Variants in UST observed in about 807,000 individuals in gnomAD.
UST encodes the protein chondroitin sulfate 2-O-sulfotransferase.
UST carries 21 observed loss-of-function variants against 45.6 expected under a neutral mutation model. That is an observed-to-expected ratio of 0.46 (90% confidence interval 0.33 to 0.66). The LOEUF (loss-of-function observed/expected upper bound fraction) is 0.66. Among genes scored for constraint, UST ranks in the 30% least tolerant of loss-of-function variants. UST has a pLI of 0.02. For missense variants in UST, 463 were observed against 512.4 expected, an observed-to-expected ratio of 0.90 and a Z score of 0.93; for synonymous variants, 215 against 200.6, an observed-to-expected ratio of 1.07 and a Z score of -0.61.
chr6:148,801,945 T>C (rs1254749191), intron 1 of UST, among the ~76,000 whole-genome samples: 2 of 152,214 alleles, frequency 1.3e-5, no homozygotes, highest in Non-Finnish European at 1.5e-5. Flanking sequence ...TTTCTCTGGC[T>C]TTGCATGAGT....
chr6:149,010,913 A>AAAAAAACAAAAAAAC lies in UST; in HGVS notation c.682-8219_682-8218insAAAAAAACAAAAAAC, dbSNP rs1554234080. Among the ~76,000 whole-genome samples, 40 of 92,998 alleles carry AAAAAAACAAAAAAAC rather than the reference A, an allele frequency of 4.3e-4. 3 individuals carry two copies. The highest frequency in any genetic ancestry group is 1.6e-3 in the African/African-American group (37 of 22,938). The allele number at this position is 92,998 out of a possible 152,430, so 61.0% of individuals were successfully genotyped here. ...TCTCAACCAAAAAAAAAAAAAAAAAAAAAAAACTGTGACTATTTATTTGTC... is the reference window on the plus strand; with the variant it reads ...TCTCAACCAAAAAAAAAAAAAAAAAAAAAAAACAAAAAAACAAAAAACTGTGACTATTTATTTGTC... On this transcript the variant is annotated intron_variant, in intron 5 of 7. Coordinates refer to ENST00000367463, the MANE Select transcript of UST (RefSeq NM_005715.3).
At chr6:148,893,316 T>C (rs1582881759) in intron 2 of UST, among the ~76,000 whole-genome samples, 1 of 152,346 alleles carries the variant, frequency 6.6e-6, no homozygotes, top group South Asian at 2.1e-4. Flanking sequence ...AATATTTGTA[T>C]AGTGCTTTGC....
At chr6:148,903,391 A>C (rs1779296198) in intron 2 of UST, among the ~76,000 whole-genome samples, 1 of 152,214 alleles carries the variant, frequency 6.6e-6, no homozygotes, top group Middle Eastern at 3.2e-3. Flanking sequence ...AATAATATTA[A>C]AAATGTTCTG....
At chr6:148,886,962 T>A (rs1277316232) in intron 1 of UST, 24 bp from the exon 2 acceptor site, 2 of 1,605,244 alleles carry the variant, frequency 1.2e-6, no homozygotes, top group Non-Finnish European at 1.7e-6. Flanking sequence ...AACGGATTCA[T>A]CAACTTTTTC....
At chr6:148,975,595 T>C (rs747854029) in intron 5 of UST, among the ~76,000 whole-genome samples, 6 of 152,092 alleles carry the variant, frequency 3.9e-5, no homozygotes, top group Non-Finnish European at 8.8e-5. Flanking sequence ...ATCATCATTA[T>C]AATAATAATA....
At chr6:149,042,312 G>A (rs1326406900) in intron 7 of UST, among the ~76,000 whole-genome samples, 3 of 152,154 alleles carry the variant, frequency 2.0e-5, no homozygotes, top group Admixed American at 2.0e-4. Flanking sequence ...TAAATTTGGT[G>A]CACTAAAAAT....
intron 7 of UST, among the ~76,000 whole-genome samples, chr6:149,063,684 C>T (rs1028481549): frequency 1.3e-5 from 2 of 152,196 alleles, no homozygotes; most frequent in South Asian, 4.1e-4. Flanking sequence ...CACAGCCAAG[C>T]CTTCCTTGAA....
rs1780740303 is a variant in UST at position 148,964,524 on chromosome 6, G to C, written c.642G>C (p.Met214Ile). The C allele has an allele frequency of 6.2e-7, 1 of 1,613,964 alleles. No homozygotes were observed. Among genetic ancestry groups the C allele is most frequent in the Non-Finnish European group, 8.5e-7 (1 of 1,180,040 alleles). The change falls in exon 5 of 8, where the codon ATG becomes ATC. Residue 214 changes from methionine (M) to isoleucine (I), a missense_variant. Met to Ile is a conservative substitution (Grantham distance 10, BLOSUM62 1). Coordinates refer to ENST00000367463, the MANE Select transcript of UST (RefSeq NM_005715.3). Reference protein sequence around the residue: ...FGDWRGEQNHMIRTPSMRQEE... With the variant: ...FGDWRGEQNHIIRTPSMRQEE... ...ACTGGAGAGGGGAACAAAATCACAT[G>C]ATCCGCACCCCCAGCATGAGGCAGG...
chr6:148,839,566 T>C (rs1777852582), intron 1 of UST, among the ~76,000 whole-genome samples: 2 of 152,212 alleles, frequency 1.3e-5, no homozygotes, highest in African/African-American at 4.8e-5. Flanking sequence ...AGAGTCTGCC[T>C]TTCTAAGAGG....
At chr6:148,866,089 T>G (rs1240308984) in intron 1 of UST, among the ~76,000 whole-genome samples, 2 of 145,524 alleles carry the variant, frequency 1.4e-5, no homozygotes, top group Non-Finnish European at 3.0e-5. Context: ...TAATTAGACT[T>G]TAAATTCTTC....
At position 148,764,557 on chromosome 6, in the gene UST, C is replaced by T. The variant is rs141097851; in HGVS notation, c.247+16880C>T. Among the ~76,000 whole-genome samples, 41 of 152,092 alleles carry T rather than the reference C, an allele frequency of 2.7e-4. No homozygotes were observed. The East Asian group carries it at 6.6e-3, about 24-fold the overall frequency. ...CTTTTCTATTTCCTTAAGTGTCGGC[C>T]GGTCTGAGAAATAAAGGGAAAGAGT... is the stretch of plus-strand genomic sequence containing the variant. On this transcript the variant is annotated intron_variant, in intron 1 of 7. Transcript: ENST00000367463.
chr6:149,028,901 A>G (rs1776092131), intron 7 of UST, among the ~76,000 whole-genome samples: 1 of 152,228 alleles, frequency 6.6e-6, no homozygotes, highest in Non-Finnish European at 1.5e-5. Context: ...TAGAATGATA[A>G]TAGAGTTTTT....
At chr6:148,859,874 C>T (rs1202395021) in intron 1 of UST, among the ~76,000 whole-genome samples, 1 of 152,134 alleles carries the variant, frequency 6.6e-6, no homozygotes, top group Non-Finnish European at 1.5e-5. Flanking sequence ...GGTACCAGTA[C>T]CGTGCTGTTT....
At chr6:148,958,946 C>T (rs900145135) in intron 4 of UST, 1 of 152,206 alleles carries the variant, frequency 6.6e-6, no homozygotes, top group Non-Finnish European at 1.5e-5. Flanking sequence ...TTTTTCACAT[C>T]ATTCTTCCTT....
At chr6:149,055,867 C>T (rs930233118) in intron 7 of UST, among the ~76,000 whole-genome samples, 1 of 152,168 alleles carries the variant, frequency 6.6e-6, no homozygotes, top group East Asian at 1.9e-4. Flanking sequence ...CAGTTTCTCA[C>T]AGCCATTGGC....
chr6:148,900,440 A>G (rs1292038916), intron 2 of UST, among the ~76,000 whole-genome samples: 1 of 152,190 alleles, frequency 6.6e-6, no homozygotes, highest in Non-Finnish European at 1.5e-5. Context: ...TTCTCGTGAT[A>G]GTAAGTCTCA....
At chr6:148,897,120 C>A (rs1236762274) in intron 2 of UST, among the ~76,000 whole-genome samples, 1 of 152,040 alleles carries the variant, frequency 6.6e-6, no homozygotes, top group Non-Finnish European at 1.5e-5. Context: ...CCCACCCCAC[C>A]CCACACCCTA....
At chr6:148,788,342 AAT>A (rs763099865) in intron 1 of UST, among the ~76,000 whole-genome samples, 4 of 151,674 alleles carry the variant, frequency 2.6e-5, no homozygotes, top group Admixed American at 2.0e-4. Context: ...TCAACTAGAA[AAT>A]ATATATATAT....
chr6:148,795,844 G>A lies in UST; in HGVS notation c.247+48167G>A, dbSNP rs145455497. Among the ~76,000 whole-genome samples, 1,175 of 152,128 alleles carry A rather than the reference G, an allele frequency of 7.7e-3. 7 individuals carry two copies. Among genetic ancestry groups the A allele is most frequent in the Non-Finnish European group, 0.011 (722 of 68,016 alleles). ...CTCATTTATTTTGCCGATTCATTACGGGCTGGTTAAAGTGATAAACAACCA... is the reference window on the plus strand; with the variant it reads ...CTCATTTATTTTGCCGATTCATTACAGGCTGGTTAAAGTGATAAACAACCA... On this transcript the variant is annotated intron_variant, in intron 1 of 7. Transcript: ENST00000367463.
Sources: gnomAD v4.1 joint callset for allele counts (sites outside exome capture counted in the v4.1 genomes callset) on GRCh38, gnomAD v4.1.1 for gene constraint, MANE v1.5 for transcripts, NCBI Gene and HGNC (gene_info 2026-07-23, HGNC 2026-07-21) for gene names.